AK5: variants seen among roughly 807,000 people sequenced by gnomAD.
The protein encoded by AK5 is adenylate kinase 5, also known as adenylate kinase isoenzyme 5.
AK5 carries 27 observed loss-of-function variants against 69.5 expected under a neutral mutation model. The ratio of observed to expected loss-of-function variants is 0.39; its 90% CI spans 0.29 to 0.54. AK5 has a LOEUF of 0.54. AK5 is among the 20% of genes least tolerant of loss of function. The pLI, the probability that AK5 is intolerant of heterozygous loss-of-function variation, is 0.71. For synonymous variants in AK5, 260 were observed against 244.4 expected (o/e 1.06, Z -0.60); for missense variants, 531 against 700.4 (o/e 0.76, Z 2.73).
intron 13 of AK5, among the ~76,000 whole-genome samples, chr1:77,556,690 A>AG (rs945557541): frequency 1.4e-4 from 22 of 152,342 alleles, no homozygotes; most frequent in African/African-American, 5.1e-4. Flanking sequence ...TGAAAGCCCT[A>AG]GGGGAAGAAA....
chr1:77,538,992 TGAA>T (rs2100365620), intron 13 of AK5, among the ~76,000 whole-genome samples: 1 of 152,346 alleles, frequency 6.6e-6, no homozygotes, highest in South Asian at 2.1e-4. Flanking sequence ...GAAAAATGTT[TGAA>T]GAATAAGCCA....
intron 10 of AK5, among the ~76,000 whole-genome samples, chr1:77,509,335 A>C (rs1304974707): frequency 6.6e-6 from 1 of 152,328 alleles, no homozygotes; most frequent in East Asian, 1.9e-4. Flanking sequence ...AGAACTAATA[A>C]AGATGTTGTC....
chr1:77,450,264 C>T (rs1038697221), intron 8 of AK5, among the ~76,000 whole-genome samples: 2 of 152,186 alleles, frequency 1.3e-5, no homozygotes, highest in African/African-American at 4.8e-5. Flanking sequence ...CTTCTGAGCC[C>T]TCCAAACTAT....
chr1:77,336,341 A>G (rs1338934074), intron 5 of AK5, among the ~76,000 whole-genome samples: 1 of 152,088 alleles, frequency 6.6e-6, no homozygotes, highest in African/African-American at 2.4e-5. Context: ...CAGCCTCCCA[A>G]AGTGCTAGGA....
intron 10 of AK5, among the ~76,000 whole-genome samples, chr1:77,494,022 A>C (rs1656153191): frequency 1.3e-5 from 2 of 152,244 alleles, no homozygotes. Context: ...AAATTCAAAA[A>C]GACATAAAAC....
intron 8 of AK5, among the ~76,000 whole-genome samples, chr1:77,471,055 T>C (rs537040831): frequency 2.6e-5 from 4 of 151,102 alleles, no homozygotes; most frequent in African/African-American, 9.7e-5. Flanking sequence ...TAATTTTTTT[T>C]TTATTTTTAG....
At chr1:77,291,655 T>G (rs1156883795) in intron 2 of AK5, among the ~76,000 whole-genome samples, 1 of 152,192 alleles carries the variant, frequency 6.6e-6, no homozygotes, top group East Asian at 1.9e-4. Flanking sequence ...ATGTTCTTTT[T>G]ATTACTAATT....
intron 10 of AK5, among the ~76,000 whole-genome samples, chr1:77,508,798 C>T (rs1426459955): frequency 3.3e-5 from 5 of 150,278 alleles, no homozygotes; most frequent in Non-Finnish European, 5.9e-5. Context: ...ACCCTGGTGG[C>T]GGAGGTTGCA....
At chr1:77,490,731 A>G (rs368756687) in intron 10 of AK5, among the ~76,000 whole-genome samples, 1 of 151,850 alleles carries the variant, frequency 6.6e-6, no homozygotes, top group South Asian at 2.1e-4. Flanking sequence ...TCCCACTAAC[A>G]GGTTCCTACA....
At chr1:77,551,224 AACACACACAC>A (rs3077617) in intron 13 of AK5, among the ~76,000 whole-genome samples, 1 of 149,874 alleles carries the variant, frequency 6.7e-6, no homozygotes, top group Non-Finnish European at 1.5e-5. Context: ...GGCCTTTCCC[AACACACACAC>A]ACACACACAC....
intron 6 of AK5, among the ~76,000 whole-genome samples, chr1:77,351,927 C>CTTTTTTTTTTTTTTTT (rs10658959): frequency 1.4e-5 from 2 of 138,170 alleles, no homozygotes. Context: ...GCAAGTAATT[C>CTTTTTTTTTTTTTTTT]TTTTTTTTTT....
At chr1:77,355,638 C>T (rs1310120250) in intron 6 of AK5, among the ~76,000 whole-genome samples, 1 of 152,094 alleles carries the variant, frequency 6.6e-6, no homozygotes, top group Non-Finnish European at 1.5e-5. Context: ...TGAGTCCATT[C>T]ATGGCAATTA....
At chr1:77,374,616 G>A (rs1283053163) in intron 6 of AK5, among the ~76,000 whole-genome samples, 1 of 151,964 alleles carries the variant, frequency 6.6e-6, no homozygotes, top group African/African-American at 2.4e-5. Context: ...GGCCAGTAGT[G>A]CGAGACTAAC....
intron 12 of AK5, among the ~76,000 whole-genome samples, chr1:77,525,064 G>A (rs946685349): frequency 1.1e-4 from 16 of 152,024 alleles, no homozygotes; most frequent in African/African-American, 1.2e-4. Flanking sequence ...ATGCCACCAC[G>A]CCTGGCTAAT....
At chr1:77,310,972 T>TATACTATTCCTAAA (rs1659921189) in intron 5 of AK5, among the ~76,000 whole-genome samples, 1 of 152,160 alleles carries the variant, frequency 6.6e-6, no homozygotes, top group Non-Finnish European at 1.5e-5. Flanking sequence ...TTTATAGGTT[T>TATACTATTCCTAAA]GCTACTATTG....
chr1:77,484,507 A>G (rs1049898954), intron 9 of AK5, among the ~76,000 whole-genome samples: 2 of 152,224 alleles, frequency 1.3e-5, no homozygotes, highest in African/African-American at 4.8e-5. Context: ...CACAGTCACC[A>G]AATGACATCT....
At chr1:77,360,936 G>A (rs958807270) in intron 6 of AK5, among the ~76,000 whole-genome samples, 3 of 152,132 alleles carry the variant, frequency 2.0e-5, no homozygotes, top group Non-Finnish European at 2.9e-5. Flanking sequence ...TTCAGGCAAC[G>A]GGCAGGAGGC....
intron 5 of AK5, among the ~76,000 whole-genome samples, chr1:77,321,638 A>ATT (rs538354590): frequency 4.6e-5 from 7 of 152,226 alleles, no homozygotes; most frequent in Non-Finnish European, 1.0e-4. Context: ...AAACCTATAT[A>ATT]GCTAACGTCA....
chr1:77,461,417 G>A lies in AK5; in HGVS notation c.1060-21900G>A, dbSNP rs568226830. On this transcript the variant is annotated intron_variant, in intron 8 of 13. Coordinates refer to ENST00000354567, the MANE Select transcript of AK5 (RefSeq NM_174858.3). ...AGAGGCTGGGGTGGTTAGTGGGGAG[G>A]GGGGAATGGGGAGATGTCAGTCAAA... Among the ~76,000 whole-genome samples, 18 of 152,122 alleles carry A rather than the reference G, an allele frequency of 1.2e-4. No individual in the cohort carries two copies. In the East Asian group the frequency reaches 3.5e-3, roughly 29 times the overall value.
Sources: gnomAD v4.1 joint callset for allele counts (sites outside exome capture counted in the v4.1 genomes callset) on GRCh38, gnomAD v4.1.1 for gene constraint, MANE v1.5 for transcripts, NCBI Gene and HGNC (gene_info 2026-07-23, HGNC 2026-07-21) for gene names.